GNAI2: variants seen among roughly 807,000 people sequenced by gnomAD.
GNAI2 encodes the protein guanine nucleotide-binding protein G(i) subunit alpha-2.
GNAI2 carries 4 observed loss-of-function variants against 36.8 expected under a neutral mutation model. The ratio of observed to expected loss-of-function variants is 0.11; its 90% CI spans 0.05 to 0.25. GNAI2 has a LOEUF of 0.25. GNAI2 is among the 10% of genes least tolerant of loss of function. The pLI is 1.00. For missense variants in GNAI2, 230 were observed against 481.3 expected, an observed-to-expected ratio of 0.48 and a Z score of 4.89; for synonymous variants, 194 against 194.1, an observed-to-expected ratio of 1.00 and a Z score of 0.01.
Position 50,241,090 on chromosome 3 carries a change from C to T in GNAI2, c.118+4637C>T, listed in dbSNP as rs115242637. Reference sequence around the variant, plus strand: ...TTCACAGCAAGTGGGGAGCCCAAGGCGTGCAGATAGTTGGTGCCAGCAGGA... The same window carrying T: ...TTCACAGCAAGTGGGGAGCCCAAGGTGTGCAGATAGTTGGTGCCAGCAGGA... On this transcript the variant is annotated intron_variant, in intron 1 of 8. Coordinates refer to ENST00000313601, the MANE Select transcript of GNAI2 (RefSeq NM_002070.4). This position sits in a 1 kb window ranked among gnomAD's most constrained non-coding sequence, Gnocchi z 5.0. Among the ~76,000 whole-genome samples the T allele has an allele frequency of 0.013, 1,996 of 152,256 alleles. 32 individuals carry two copies. The highest frequency in any genetic ancestry group is 0.044 in the African/African-American group (1,841 of 41,544).
At position 50,242,134 on chromosome 3, in the gene GNAI2, G is replaced by T. The variant is rs587636702; in HGVS notation, c.118+5681G>T. On this transcript the variant is annotated intron_variant, in intron 1 of 8. Coordinates refer to ENST00000313601, the MANE Select transcript of GNAI2 (RefSeq NM_002070.4). The surrounding 1 kb of genome is among the most constrained non-coding windows in gnomAD (Gnocchi z 4.8). ...TCTAAAAGCCACCCATTCACTTGGC[G>T]GGAACAGGATGGAGGAAGCTTTGTC... Among the ~76,000 whole-genome samples the T allele has an allele frequency of 6.6e-6, 1 of 152,118 alleles. No individual in the cohort carries two copies. Among genetic ancestry groups the T allele is most frequent in the South Asian group, 2.1e-4 (1 of 4,830 alleles).
chr3:50,250,328 C>G (rs913066583), intron 1 of GNAI2, among the ~76,000 whole-genome samples: 1 of 152,106 alleles, frequency 6.6e-6, no homozygotes, highest in African/African-American at 2.4e-5. Context: ...TTGACCAGCC[C>G]CAAGGGATGC....
Position 50,241,133 on chromosome 3 carries a change from G to A in GNAI2, c.118+4680G>A, listed in dbSNP as rs1039136964. 2.0e-5 allele frequency among the ~76,000 whole-genome samples: 3 copies of A among 152,136 alleles called. No homozygotes were observed. Among genetic ancestry groups the A allele is most frequent in the East Asian group, 1.9e-4 (1 of 5,180 alleles). On this transcript the variant is annotated intron_variant, in intron 1 of 8. Coordinates refer to ENST00000313601, the MANE Select transcript of GNAI2 (RefSeq NM_002070.4). This position sits in a 1 kb window ranked among gnomAD's most constrained non-coding sequence, Gnocchi z 5.0. ...CAGCAGGAGTGACAGACTGCCCTGG[G>A]GACCTTAGGCCCAACCTCTGGGGGT...
In GNAI2 at chr3:50,255,486, CTAATGCCGT is replaced by C. The variant is rs1353642015; in HGVS notation, c.465-705_465-697del. ...GGGACCGCACCCGGCTGCTCTGCGG[CTAATGCCGT>C]AATTGCGCCCATTAGCATCCTGAAT... On this transcript the variant is annotated intron_variant, in intron 4 of 8. Coordinates refer to ENST00000313601, the MANE Select transcript of GNAI2 (RefSeq NM_002070.4). This position sits in a 1 kb window ranked among gnomAD's most constrained non-coding sequence, Gnocchi z 4.0. Among the ~76,000 whole-genome samples the C allele has an allele frequency of 3.9e-5, 6 of 152,228 alleles. No individual in the cohort carries two copies. Among genetic ancestry groups the C allele is most frequent in the Non-Finnish European group, 5.9e-5 (4 of 68,034 alleles).
Position 50,256,377 on chromosome 3 carries a change from A to T in GNAI2, c.593+57A>T, listed in dbSNP as rs185731969. ...AGGACCTGCCAGCCTCTGGGGTAGC[A>T]GAGGCAGGGGCTGGTCCAGGATCCC... is the stretch of plus-strand genomic sequence containing the variant. On this transcript the variant is annotated intron_variant, in intron 5 of 8. Coordinates refer to ENST00000313601, the MANE Select transcript of GNAI2 (RefSeq NM_002070.4). The T allele has an allele frequency of 8.5e-4, 1,320 of 1,546,956 alleles. 15 individuals carry two copies. In the East Asian group the frequency reaches 0.014, roughly 17 times the overall value.
At chr3:50,254,761 G>T (rs2236944) in intron 4 of GNAI2, among the ~76,000 whole-genome samples, 28,970 of 152,212 alleles carry the variant, frequency 0.19, 5,603 homozygotes, top group East Asian at 0.6. Context: ...CTATTCTCCA[G>T]ACATTAGGCA....
chr3:50,234,489 T>C (rs1700124802), upstream of GNAI2, among the ~76,000 whole-genome samples: 1 of 151,972 alleles, frequency 6.6e-6, no homozygotes, highest in African/African-American at 2.4e-5. Context: ...GTAGCTGGGA[T>C]TACATGTGCC....
At chr3:50,233,659 C>T (rs1700108006), upstream of GNAI2, among the ~76,000 whole-genome samples, 1 of 152,120 alleles carries the variant, frequency 6.6e-6, no homozygotes, top group Admixed American at 6.5e-5. Context: ...CATTATGTGT[C>T]CTCAACATGT....
rs1389545618 is a variant in GNAI2, at chr3:50,253,622, T to TA, written c.464+439dup. On this transcript the variant is annotated intron_variant, in intron 4 of 8. Coordinates refer to ENST00000313601, the MANE Select transcript of GNAI2 (RefSeq NM_002070.4). This position sits in a 1 kb window ranked among gnomAD's most constrained non-coding sequence, Gnocchi z 4.2. ...AGCCGGGCGTGGTGGAGGGCGCCTG[T>TA]AGTCCCAGCTACTCAGGAGGCTGAG... is the stretch of plus-strand genomic sequence containing the variant. 6.6e-6 allele frequency among the ~76,000 whole-genome samples: 1 copy of TA among 152,172 alleles called. No individual in the cohort carries two copies. The highest frequency in any genetic ancestry group is 1.5e-5 in the Non-Finnish European group (1 of 68,030).
Position 50,258,670 on chromosome 3 carries a change from T to G in GNAI2, c.*327T>G. 2.9e-6 allele frequency: 1 copy of G among 346,966 alleles called. No homozygotes were observed. The highest frequency in any genetic ancestry group is 7.8e-5 in the East Asian group (1 of 12,846). The allele number at this position is 346,966 out of a possible 1,614,324, so 21.5% of individuals were successfully genotyped here. On this transcript the variant is annotated 3_prime_UTR_variant, in exon 9 of 9. Transcript: ENST00000313601. ...ACATGCTGAGTCTCCCAAGGCTGCG[T>G]CTGGAGGGGCCCCTGCTTCTCCAGC...
At chr3:50,257,434 C>A in intron 7 of GNAI2, 66 bp from the exon 8 acceptor site, 1 of 1,097,738 alleles carries the variant, frequency 9.1e-7, no homozygotes, top group Non-Finnish European at 1.3e-6. Flanking sequence ...CAGACCCTTG[C>A]TGCACACGTA....
At chr3:50,231,577 A>G (rs587651964), upstream of GNAI2, among the ~76,000 whole-genome samples, 1 of 152,212 alleles carries the variant, frequency 6.6e-6, no homozygotes, top group South Asian at 2.1e-4. Context: ...ACCCGGCCTT[A>G]TTCATTTAAG....
At chr3:50,246,624 C>G (rs1031653941) in intron 1 of GNAI2, among the ~76,000 whole-genome samples, 4 of 152,210 alleles carry the variant, frequency 2.6e-5, no homozygotes, top group African/African-American at 7.2e-5. Context: ...CCAAGTCTAC[C>G]CTGTGGTCCC....
chr3:50,249,796 G>A (rs1286740662), intron 1 of GNAI2, among the ~76,000 whole-genome samples: 3 of 152,238 alleles, frequency 2.0e-5, no homozygotes, highest in African/African-American at 4.8e-5. Context: ...GATTGCAGGC[G>A]CCTGATGGCA....
Position 50,253,113 on chromosome 3 carries a change from C to G in GNAI2, c.393C>G (p.Leu131=), listed in dbSNP as rs1291325100. The change falls in exon 4 of 9, where the codon CTC becomes CTG. Residue 131 remains leucine, a synonymous_variant. Coordinates refer to ENST00000313601, the MANE Select transcript of GNAI2 (RefSeq NM_002070.4). The surrounding 1 kb of genome is among the most constrained non-coding windows in gnomAD (Gnocchi z 4.2). The stretch of plus-strand genomic sequence containing the variant: ...ACCTGTCCGGCGTCATCCGGAGGCT[C>G]TGGGCTGACCATGGTGTGCAGGCCT... ...PDDLSGVIRR[L]WADHGVQACF... The G allele has an allele frequency of 6.2e-7, 1 of 1,613,738 alleles. No individual in the cohort carries two copies. The highest frequency in any genetic ancestry group is 8.5e-7 in the Non-Finnish European group (1 of 1,179,856).
intron 1 of GNAI2, among the ~76,000 whole-genome samples, chr3:50,244,569 A>G (rs1476983692): frequency 6.6e-6 from 1 of 152,230 alleles, no homozygotes; most frequent in East Asian, 1.9e-4. Context: ...CATGTTCCTT[A>G]GGGCTGCACT....
At chr3:50,244,709 A>C (rs1171473445) in intron 1 of GNAI2, among the ~76,000 whole-genome samples, 2 of 152,192 alleles carry the variant, frequency 1.3e-5, no homozygotes, top group African/African-American at 4.8e-5. Flanking sequence ...TCCGAATCTC[A>C]GTGCTGTGGC....
At chr3:50,234,615 G>A (rs911685275), upstream of GNAI2, among the ~76,000 whole-genome samples, 2 of 152,198 alleles carry the variant, frequency 1.3e-5, no homozygotes, top group Admixed American at 6.5e-5. Flanking sequence ...GCCTCCCAGA[G>A]TTGCTGGGAT....
Position 50,252,064 on chromosome 3 carries a change from G to C in GNAI2, c.119-36G>C. On this transcript the variant is annotated intron_variant, in intron 1 of 8. Transcript: ENST00000313601. The surrounding 1 kb of genome is among the most constrained non-coding windows in gnomAD (Gnocchi z 4.1). ...GTTCTGTGCCTGTGGAGCCCCTCTG[G>C]GCCTGCCCCCTGACCACCTGTGCCC... 6.2e-7 allele frequency: 1 copy of C among 1,609,972 alleles called. No homozygotes were observed. Among genetic ancestry groups the C allele is most frequent in the Non-Finnish European group, 8.5e-7 (1 of 1,176,648 alleles).
Sources: allele counts gnomAD v4.1 joint callset (sites outside exome capture counted in the v4.1 genomes callset), GRCh38; gene constraint gnomAD v4.1.1; non-coding constraint Gnocchi (gnomAD v3.1); transcripts MANE v1.5; gene names NCBI Gene and HGNC (gene_info 2026-07-23, HGNC 2026-07-21).